OSBPL10: variants seen among roughly 807,000 people sequenced by gnomAD.
The protein encoded by OSBPL10 is oxysterol binding protein like 10, also known as oxysterol-binding protein-related protein 10.
A neutral mutation model predicts 81.7 loss-of-function variants in OSBPL10; 49 were observed. The observed-to-expected ratio is 0.60, with a 90% CI of 0.48 to 0.76. The LOEUF is 0.76. Ranked by LOEUF, OSBPL10 falls within the 30% of genes least tolerant of loss-of-function variation. OSBPL10 has a pLI of 0.00. For missense variants in OSBPL10, 923 were observed against 987.8 expected (o/e 0.93, Z 0.88); for synonymous variants, 419 against 383.6 (o/e 1.09, Z -1.08).
At chr3:31,836,126 T>C (rs528080216) in intron 3 of OSBPL10, among the ~76,000 whole-genome samples, 7 of 152,348 alleles carry the variant, frequency 4.6e-5, no homozygotes, top group African/African-American at 1.7e-4. Context: ...TTCAAATTTG[T>C]TCCAGCTCTC....
At chr3:31,864,207 G>A (rs1701120665) in intron 3 of OSBPL10, among the ~76,000 whole-genome samples, 1 of 152,140 alleles carries the variant, frequency 6.6e-6, no homozygotes, top group Non-Finnish European at 1.5e-5. Context: ...GGGTCAGGAA[G>A]GCATCACAGA....
At chr3:31,970,906 C>A (rs1239236468) in intron 1 of OSBPL10, among the ~76,000 whole-genome samples, 1 of 152,216 alleles carries the variant, frequency 6.6e-6, no homozygotes, top group East Asian at 1.9e-4. Context: ...TGCCTCCAAA[C>A]ATTTGTACTC....
intron 2 of OSBPL10, among the ~76,000 whole-genome samples, chr3:32,024,378 A>G (rs1409502780): frequency 6.6e-6 from 1 of 151,952 alleles, no homozygotes; most frequent in East Asian, 1.9e-4. Context: ...TCTCTCAGCA[A>G]TATTTTCAAT....
chr3:31,833,737 A>T (rs7640035), intron 3 of OSBPL10, among the ~76,000 whole-genome samples: 54,019 of 136,726 alleles, frequency 0.4, 10,799 homozygotes, highest in Admixed American at 0.5. Context: ...ACACACACAC[A>T]CTCTCTCTCT....
rs181900964 is a variant in OSBPL10, at chr3:31,964,235, C to T, written c.281+16664G>A. ...ACAGTGCCTTAATCTAGACTCACTG[C>T]AACCTCTGCCTCCCAAGTTCAAGCA... On this transcript the variant is annotated intron_variant, in intron 1 of 11. Transcript: ENST00000396556. Among the ~76,000 whole-genome samples, 7 of 152,238 alleles carry T rather than the reference C, an allele frequency of 4.6e-5. No individual in the cohort carries two copies. In the East Asian group the frequency reaches 1.4e-3, roughly 29 times the overall value.
chr3:31,686,528 A>G (rs1191345492), intron 7 of OSBPL10, among the ~76,000 whole-genome samples: 1 of 152,224 alleles, frequency 6.6e-6, no homozygotes, highest in East Asian at 1.9e-4. Context: ...ATGTTAACAT[A>G]TCTGTCCGGG....
intron 1 of OSBPL10, among the ~76,000 whole-genome samples, chr3:31,892,473 C>T (rs1370802544): frequency 2.6e-5 from 4 of 152,108 alleles, no homozygotes; most frequent in Admixed American, 2.6e-4. Flanking sequence ...AAGGCGGCTG[C>T]AGAGACTCGC....
chr3:31,867,427 T>C (rs1701206861), intron 3 of OSBPL10, among the ~76,000 whole-genome samples: 1 of 152,196 alleles, frequency 6.6e-6, no homozygotes, highest in Admixed American at 6.5e-5. Context: ...TTTTCTCAAT[T>C]TCCCACTTGG....
At chr3:31,698,087 C>A (rs918541229) in intron 7 of OSBPL10, among the ~76,000 whole-genome samples, 4 of 152,022 alleles carry the variant, frequency 2.6e-5, no homozygotes, top group Admixed American at 2.0e-4. Context: ...TCTACCCTGA[C>A]CCCTGCTGTT....
intron 1 of OSBPL10, among the ~76,000 whole-genome samples, chr3:31,880,729 G>A (rs1007529636): frequency 6.6e-6 from 1 of 152,200 alleles, no homozygotes; most frequent in African/African-American, 2.4e-5. Context: ...CTTTGCACAT[G>A]CTGTTCTTGC....
intron 4 of OSBPL10, among the ~76,000 whole-genome samples, chr3:31,801,390 T>C (rs142576382): frequency 2.2e-4 from 34 of 152,152 alleles, no homozygotes; most frequent in African/African-American, 7.7e-4. Context: ...TCTGACAGAG[T>C]GGGTTATAAC....
At chr3:31,854,946 T>G (rs1034658134) in intron 3 of OSBPL10, among the ~76,000 whole-genome samples, 3 of 152,200 alleles carry the variant, frequency 2.0e-5, no homozygotes, top group Non-Finnish European at 1.5e-5. Flanking sequence ...TCCAATTAAT[T>G]CCATGTCAGT....
At chr3:31,816,468 C>T (rs773535167) in intron 4 of OSBPL10, among the ~76,000 whole-genome samples, 3 of 152,156 alleles carry the variant, frequency 2.0e-5, no homozygotes, top group Non-Finnish European at 4.4e-5. Context: ...GATACAGATA[C>T]GTGCATTAAA....
At chr3:31,988,861 A>C (rs1698981242) in intron 2 of OSBPL10, 1 of 610,982 alleles carries the variant, frequency 1.6e-6, no homozygotes. Context: ...GCCATGACCC[A>C]CAGCTTGACT....
chr3:31,752,082 C>T (rs1697741352), intron 4 of OSBPL10, among the ~76,000 whole-genome samples: 1 of 152,182 alleles, frequency 6.6e-6, no homozygotes, highest in Admixed American at 6.5e-5. Flanking sequence ...CCAAAAATAT[C>T]AACAGCAAAT....
At chr3:31,770,374 T>C (rs1295297838) in intron 4 of OSBPL10, among the ~76,000 whole-genome samples, 1 of 152,210 alleles carries the variant, frequency 6.6e-6, no homozygotes, top group African/African-American at 2.4e-5. Flanking sequence ...TAAGCATTTA[T>C]CCTGTGTGGT....
intron 7 of OSBPL10, among the ~76,000 whole-genome samples, chr3:31,697,141 G>C (rs539077352): frequency 6.6e-6 from 1 of 152,192 alleles, no homozygotes; most frequent in Admixed American, 6.5e-5. Context: ...CTAAGTCTTA[G>C]GAAGGCTTAC....
intron 6 of OSBPL10, among the ~76,000 whole-genome samples, chr3:31,726,302 TCTTTTTA>T (rs1367574844): frequency 6.7e-6 from 1 of 149,144 alleles, no homozygotes; most frequent in East Asian, 1.9e-4. Flanking sequence ...ACAAAAAGTG[TCTTTTTA>T]ATTTTTTTTT....
At chr3:31,743,539 A>C (rs191816886) in intron 5 of OSBPL10, among the ~76,000 whole-genome samples, 1 of 152,364 alleles carries the variant, frequency 6.6e-6, no homozygotes, top group Admixed American at 6.5e-5. Context: ...AAACAGCGTA[A>C]TGAGCAACAT....
Sources: allele counts gnomAD v4.1 joint callset (sites outside exome capture counted in the v4.1 genomes callset), GRCh38; gene constraint gnomAD v4.1.1; transcripts MANE v1.5; gene names NCBI Gene and HGNC (gene_info 2026-07-23, HGNC 2026-07-21).